SLC25A21: variants seen among roughly 807,000 people sequenced by gnomAD.
SLC25A21 encodes mitochondrial 2-oxodicarboxylate carrier.
A neutral mutation model predicts 43.8 loss-of-function variants in SLC25A21; 47 were observed. That is an observed-to-expected ratio of 1.07 (90% CI 0.85 to 1.37). The LOEUF (loss-of-function observed/expected upper bound fraction) is 1.37. Ranked by LOEUF, SLC25A21 falls within the 40% of genes most tolerant of loss-of-function variation. The pLI, the probability that SLC25A21 is intolerant of heterozygous loss-of-function variation, is 0.00. For synonymous variants in SLC25A21, 131 were observed against 121.3 expected (o/e 1.08, Z -0.52); for missense variants, 352 against 350.2 (o/e 1.00, Z -0.04).
intron 1 of SLC25A21, among the ~76,000 whole-genome samples, chr14:37,000,507 TC>T (rs1960464599): frequency 6.6e-6 from 1 of 152,178 alleles, no homozygotes; most frequent in African/African-American, 2.4e-5. Flanking sequence ...CTCTGATACA[TC>T]CATTGCCACC....
At chr14:37,118,902 A>C (rs1418425709) in intron 1 of SLC25A21, among the ~76,000 whole-genome samples, 3 of 152,088 alleles carry the variant, frequency 2.0e-5, no homozygotes, top group Non-Finnish European at 4.4e-5. Flanking sequence ...CTGCATTCCC[A>C]GGAGGTTAGG....
chr14:37,137,644 T>C (rs1963505235), intron 1 of SLC25A21, among the ~76,000 whole-genome samples: 1 of 152,222 alleles, frequency 6.6e-6, no homozygotes, highest in Non-Finnish European at 1.5e-5. Flanking sequence ...CATTGTAGGA[T>C]CATGAGTAAA....
intron 6 of SLC25A21, among the ~76,000 whole-genome samples, chr14:36,722,474 C>G (rs1219412734): frequency 2.6e-5 from 4 of 152,140 alleles, no homozygotes; most frequent in Admixed American, 1.3e-4. Flanking sequence ...TCAGTTAAAA[C>G]AAATGGACTG....
intron 1 of SLC25A21, among the ~76,000 whole-genome samples, chr14:37,164,056 T>C (rs1201449384): frequency 6.6e-6 from 1 of 152,156 alleles, no homozygotes. Context: ...TAACCACATG[T>C]TTTTAAAATA....
At chr14:36,951,094 C>T (rs1489113362) in intron 1 of SLC25A21, among the ~76,000 whole-genome samples, 3 of 152,094 alleles carry the variant, frequency 2.0e-5, no homozygotes, top group Admixed American at 2.0e-4. Flanking sequence ...CTGTCATATA[C>T]CCTAGAGGCA....
intron 4 of SLC25A21, among the ~76,000 whole-genome samples, chr14:36,732,509 A>C (rs1884870910): frequency 6.6e-6 from 1 of 152,134 alleles, no homozygotes; most frequent in African/African-American, 2.4e-5. Flanking sequence ...GAGAAATTTC[A>C]TTTATTTAGC....
chr14:36,862,794 T>A (rs115451872), intron 2 of SLC25A21, among the ~76,000 whole-genome samples: 4 of 152,190 alleles, frequency 2.6e-5, no homozygotes. Flanking sequence ...AAGTTTATGA[T>A]GGCATAACAC....
chr14:36,933,274 A>C (rs1003125332), intron 1 of SLC25A21, among the ~76,000 whole-genome samples: 1 of 152,060 alleles, frequency 6.6e-6, no homozygotes, highest in African/African-American at 2.4e-5. Flanking sequence ...ACCTGAGCTG[A>C]CCCTTCTTGG....
intron 1 of SLC25A21, among the ~76,000 whole-genome samples, chr14:37,077,689 AAAGACTTTTACATATG>A (rs1163771441): frequency 1.3e-5 from 2 of 152,350 alleles, no homozygotes; most frequent in East Asian, 3.9e-4. Flanking sequence ...TCCTAAAGAA[AAAGACTTTTACATATG>A]TGTGTATACA....
chr14:36,901,436 C>A (rs1323069371), intron 1 of SLC25A21, among the ~76,000 whole-genome samples: 1 of 151,988 alleles, frequency 6.6e-6, no homozygotes, highest in Non-Finnish European at 1.5e-5. Flanking sequence ...TAAACTATTA[C>A]CTATATAGAT....
At chr14:36,824,785 G>A (rs1158063196) in intron 2 of SLC25A21, among the ~76,000 whole-genome samples, 1 of 112,224 alleles carries the variant, frequency 8.9e-6, no homozygotes, top group Non-Finnish European at 1.7e-5. Flanking sequence ...TGACAGTGAA[G>A]TTTATCTCTG....
intron 1 of SLC25A21, among the ~76,000 whole-genome samples, chr14:37,164,345 A>C (rs918000502): frequency 6.6e-6 from 1 of 152,178 alleles, no homozygotes; most frequent in Non-Finnish European, 1.5e-5. Flanking sequence ...TGTGCTTGAA[A>C]TAAGGGTTAT....
chr14:37,026,672 A>T (rs1228759108), intron 1 of SLC25A21, among the ~76,000 whole-genome samples: 3 of 152,294 alleles, frequency 2.0e-5, no homozygotes, highest in South Asian at 4.1e-4. Context: ...AATTTATCAG[A>T]GCTGCAAAAT....
At chr14:36,945,729 C>T (rs1892665230) in intron 1 of SLC25A21, among the ~76,000 whole-genome samples, 1 of 152,016 alleles carries the variant, frequency 6.6e-6, no homozygotes, top group Non-Finnish European at 1.5e-5. Context: ...TAATGGGGAG[C>T]TAGTGCTTAA....
At chr14:36,767,767 G>A (rs1232875363) in intron 3 of SLC25A21, among the ~76,000 whole-genome samples, 1 of 152,200 alleles carries the variant, frequency 6.6e-6, no homozygotes, top group African/African-American at 2.4e-5. Context: ...AACTAAGCCT[G>A]TTTAGCTGAC....
intron 1 of SLC25A21, among the ~76,000 whole-genome samples, chr14:36,995,034 C>G (rs1391579264): frequency 6.6e-6 from 1 of 152,294 alleles, no homozygotes; most frequent in Non-Finnish European, 1.5e-5. Context: ...CCTGGGTCAA[C>G]TGGCTCCTCA....
intron 2 of SLC25A21, among the ~76,000 whole-genome samples, chr14:36,839,397 A>G (rs189838433): frequency 1.7e-3 from 262 of 152,328 alleles, no homozygotes; most frequent in African/African-American, 6.1e-3. Context: ...TAAGTAATGG[A>G]CTTTATTTTG....
At chr14:36,837,304 T>C (rs540802376) in intron 2 of SLC25A21, among the ~76,000 whole-genome samples, 2 of 150,888 alleles carry the variant, frequency 1.3e-5, no homozygotes, top group South Asian at 4.2e-4. Flanking sequence ...CCAAGTGCAG[T>C]GAGAAGGGAG....
At chr14:36,748,665 A>C (rs907120843) in intron 3 of SLC25A21, among the ~76,000 whole-genome samples, 1 of 152,232 alleles carries the variant, frequency 6.6e-6, no homozygotes, top group Non-Finnish European at 1.5e-5. Flanking sequence ...TGCAGAAGAC[A>C]ACCCTAGGGC....
Sources: allele counts gnomAD v4.1 joint callset (sites outside exome capture counted in the v4.1 genomes callset), GRCh38; gene constraint gnomAD v4.1.1; transcripts MANE v1.5; gene names NCBI Gene and HGNC (gene_info 2026-07-23, HGNC 2026-07-21).